ANKRD10: variants seen among roughly 807,000 people sequenced by gnomAD.
ANKRD10 encodes ankyrin repeat domain-containing protein 10.
Under a neutral mutation model 27.0 loss-of-function variants are expected in ANKRD10, and 14 were observed. The ratio of observed to expected loss-of-function variants is 0.52; its 90% confidence interval spans 0.34 to 0.81. ANKRD10 has a LOEUF of 0.81. Ranked by LOEUF, ANKRD10 falls within the 40% of genes least tolerant of loss-of-function variation. The pLI is 0.01. For missense variants in ANKRD10, 493 were observed against 544.0 expected (o/e 0.91, Z 0.93); for synonymous variants, 250 against 224.5 (o/e 1.11, Z -1.01).
chr13:110,893,317 C>G (rs2065132949), intron 3 of ANKRD10, 54 bp from the exon 4 acceptor site: 2 of 1,548,008 alleles, frequency 1.3e-6, no homozygotes, highest in Non-Finnish European at 1.8e-6. Context: ...AACCTGGTCT[C>G]TGCTCCTGCT....
intron 5 of ANKRD10, 47 bp from the exon 6 acceptor site, chr13:110,880,159 G>A (rs1397089946): frequency 6.7e-7 from 1 of 1,490,776 alleles, no homozygotes; most frequent in Non-Finnish European, 9.2e-7. Context: ...ACCAATGAGG[G>A]AGGAGAAACT....
chr13:110,906,201 A>G (rs1566488711), intron 2 of ANKRD10, 77 bp from the exon 3 acceptor site: 2 of 1,110,734 alleles, frequency 1.8e-6, no homozygotes, highest in Non-Finnish European at 2.6e-6. Context: ...TCATTAACAC[A>G]GATCAGAGAC....
At chr13:110,882,603 A>G (rs78880845) in intron 5 of ANKRD10, among the ~76,000 whole-genome samples, 1 of 152,214 alleles carries the variant, frequency 6.6e-6, no homozygotes, top group East Asian at 1.9e-4. Flanking sequence ...GGTCACTTTT[A>G]AAAAAAGCAG....
At chr13:110,894,081 T>G in intron 3 of ANKRD10, 1 of 1,484,974 alleles carries the variant, frequency 6.7e-7, no homozygotes, top group Non-Finnish European at 9.4e-7. Context: ...AAGAGCTGAA[T>G]AAAATAGAGT....
intron 2 of ANKRD10, 109 bp downstream of exon 2, chr13:110,910,509 A>G: frequency 7.5e-7 from 1 of 1,331,698 alleles, no homozygotes; most frequent in South Asian, 1.4e-5. Flanking sequence ...GCCCTCAGGT[A>G]AAGATATCAA....
At position 110,885,565 on chromosome 13, in the gene ANKRD10, AAG is replaced by A. The variant is rs1383837646; in HGVS notation, c.692-1774_692-1773del. On this transcript the variant is annotated intron_variant, in intron 4 of 5. Coordinates refer to ENST00000267339, the MANE Select transcript of ANKRD10 (RefSeq NM_017664.4). ...CCATCTAAAAAAAAAGAAAAAAAGAAAGAAAGAAAAAGAAAAAAGAATGGGAG... is the reference window on the plus strand; with the variant it reads ...CCATCTAAAAAAAAAGAAAAAAAGAAAAAGAAAAAGAAAAAAGAATGGGAG... 2.6e-5 allele frequency among the ~76,000 whole-genome samples: 4 copies of A among 152,194 alleles called. No homozygotes were observed. In the East Asian group the frequency reaches 7.7e-4, roughly 29 times the overall value.
chr13:110,912,778 G>C (rs1566501266), intron 1 of ANKRD10, among the ~76,000 whole-genome samples: 1 of 152,222 alleles, frequency 6.6e-6, no homozygotes, highest in Non-Finnish European at 1.5e-5. Flanking sequence ...AGCAGGGCTG[G>C]GGAGAAAGCC....
chr13:110,894,843 A>C (rs1171152532), intron 3 of ANKRD10: 1 of 152,230 alleles, frequency 6.6e-6, no homozygotes, highest in African/African-American at 2.4e-5. Flanking sequence ...ATGAAAAGGA[A>C]GCACCAAAGT....
chr13:110,908,124 A>C (rs901171085), intron 2 of ANKRD10, among the ~76,000 whole-genome samples: 1 of 152,236 alleles, frequency 6.6e-6, no homozygotes, highest in African/African-American at 2.4e-5. Flanking sequence ...GCCCAGTCAC[A>C]TCGCAGCCAC....
intron 3 of ANKRD10, chr13:110,894,748 T>C (rs2065183565): frequency 7.6e-6 from 1 of 132,030 alleles, no homozygotes; most frequent in Admixed American, 7.5e-5. Context: ...CTATTTTTAT[T>C]AGCCTTATTA....
Position 110,892,726 on chromosome 13 carries a change from T to C in ANKRD10, c.691+302A>G, listed in dbSNP as rs566977687. On this transcript the variant is annotated intron_variant, in intron 4 of 5. Coordinates refer to ENST00000267339, the MANE Select transcript of ANKRD10 (RefSeq NM_017664.4). ...AGTGGCAGATTTTCTTTAATAGATATATTTCAAACAGATACAACAAATTAA... is the reference window on the plus strand; with the variant it reads ...AGTGGCAGATTTTCTTTAATAGATACATTTCAAACAGATACAACAAATTAA... The C allele has an allele frequency of 4.2e-5, 43 of 1,031,654 alleles. No homozygotes were observed. The African/African-American group carries it at 6.8e-4, about 16-fold the overall frequency. The allele number at this position is 1,031,654 out of a possible 1,614,324, so 63.9% of individuals were successfully genotyped here.
intron 5 of ANKRD10, among the ~76,000 whole-genome samples, chr13:110,881,473 T>C (rs1194523008): frequency 6.6e-6 from 1 of 152,220 alleles, no homozygotes; most frequent in Non-Finnish European, 1.5e-5. Context: ...TCCTTTTTTT[T>C]TATATTTAAG....
At chr13:110,881,353 C>G (rs1257832171) in intron 5 of ANKRD10, among the ~76,000 whole-genome samples, 1 of 152,222 alleles carries the variant, frequency 6.6e-6, no homozygotes, top group East Asian at 1.9e-4. Flanking sequence ...CATCTCACCT[C>G]CTGTAAACCT....
rs2064767825 is a variant in ANKRD10 at position 110,879,376 on chromosome 13, G to A, written c.*261C>T. The A allele has an allele frequency of 2.2e-6, 1 of 453,594 alleles. No individual in the cohort carries two copies. The highest frequency in any genetic ancestry group is 4.0e-6 in the Non-Finnish European group (1 of 252,000). 28.1% of individuals were successfully genotyped at this position (453,594 alleles called of 1,614,324 possible). A position where few individuals can be genotyped will look rare whatever the true frequency, so the allele number is the denominator to read the frequency against. On this transcript the variant is annotated 3_prime_UTR_variant, in exon 6 of 6. Coordinates refer to ENST00000267339, the MANE Select transcript of ANKRD10 (RefSeq NM_017664.4). ...CTGGTGACAGTATTAAAAAGACAAT[G>A]TTGAGATTGGCATCAGAAAAACTCC...
At chr13:110,900,749 TA>T in intron 3 of ANKRD10, 1 of 1,210,050 alleles carries the variant, frequency 8.3e-7, no homozygotes, top group Admixed American at 2.0e-5. Context: ...CTGTGTGATT[TA>T]AAACGGGCAA....
At chr13:110,889,368 AAC>A (rs776925460) in intron 4 of ANKRD10, among the ~76,000 whole-genome samples, 1 of 152,206 alleles carries the variant, frequency 6.6e-6, no homozygotes, top group Admixed American at 6.5e-5. Context: ...TTTCCATCAA[AAC>A]AGACTGCTTA....
chr13:110,900,640 A>AT, intron 3 of ANKRD10: 1 of 1,352,100 alleles, frequency 7.4e-7, no homozygotes, highest in Non-Finnish European at 9.8e-7. Context: ...TCTATATGGA[A>AT]TGCTCCCCCT....
chr13:110,892,533 A>G (rs2065108653), intron 4 of ANKRD10, among the ~76,000 whole-genome samples: 1 of 151,604 alleles, frequency 6.6e-6, no homozygotes. Flanking sequence ...AAGTCAACAC[A>G]CATGTGAGGT....
In ANKRD10 at chr13:110,901,707, C is replaced by T. The variant is rs112073389; in HGVS notation, c.455+4326G>A. On this transcript the variant is annotated intron_variant, in intron 3 of 5. Coordinates refer to ENST00000267339, the MANE Select transcript of ANKRD10 (RefSeq NM_017664.4). ...CTCCATCCTGAAACACCTTAACAAC[C>T]GGAAAATAGCCAAGACCAGACAAGT... Among the ~76,000 whole-genome samples the T allele has an allele frequency of 4.1e-3, 622 of 152,124 alleles. 2 individuals are homozygous for T. Among genetic ancestry groups the T allele is most frequent in the African/African-American group, 0.014 (590 of 41,484 alleles).
Sources: allele counts gnomAD v4.1 joint callset (sites outside exome capture counted in the v4.1 genomes callset), GRCh38; gene constraint gnomAD v4.1.1; transcripts MANE v1.5; gene names NCBI Gene and HGNC (gene_info 2026-07-23, HGNC 2026-07-21).